The following SH3BP2 variants were observed in gnomAD, a reference collection of about 807,000 sequenced individuals.
SH3BP2 encodes the protein SH3 domain binding protein 2.
Under a neutral mutation model 56.2 loss-of-function variants are expected in SH3BP2, and 38 were observed. The observed-to-expected ratio is 0.68, with a 90% CI of 0.52 to 0.89. SH3BP2 has a LOEUF of 0.89. Among genes scored for constraint, SH3BP2 ranks in the 40% least tolerant of loss-of-function variants. The pLI, the probability that SH3BP2 is intolerant of heterozygous loss-of-function variation, is 0.00. For missense variants in SH3BP2, 748 were observed against 762.6 expected (o/e 0.98, Z 0.23); for synonymous variants, 346 against 316.7 (o/e 1.09, Z -0.98).
intron 1 of SH3BP2, among the ~76,000 whole-genome samples, chr4:2,808,184 G>A (rs1723607573): frequency 6.6e-6 from 1 of 152,198 alleles, no homozygotes; most frequent in Non-Finnish European, 1.5e-5. Context: ...GTGGCTCTGG[G>A]GAAGCCCCTT....
chr4:2,800,081 G>A (rs907952986), intron 1 of SH3BP2, among the ~76,000 whole-genome samples: 2 of 152,102 alleles, frequency 1.3e-5, no homozygotes, highest in African/African-American at 4.8e-5. Flanking sequence ...AAGTGGGTTC[G>A]TCGAGGCTGC....
chr4:2,833,594 C>G, intron 12 of SH3BP2, 103 bp from the exon 13 acceptor site: 1 of 1,468,418 alleles, frequency 6.8e-7, no homozygotes, highest in East Asian at 2.5e-5. Flanking sequence ...CCTGGTGATG[C>G]CGCTGTTGAT....
At position 2,829,664 on chromosome 4, in the gene SH3BP2, A is replaced by T; in HGVS notation, c.758A>T (p.Asp253Val). 6.2e-7 allele frequency: 1 copy of T among 1,612,086 alleles called. No individual in the cohort carries two copies. Among genetic ancestry groups the T allele is most frequent in the Non-Finnish European group, 8.5e-7 (1 of 1,179,628 alleles). The part of the protein sequence containing the change: ...GLPDVGLAAE[D>V]SKRDPLCPRR... ...CCAGATGTTGGCCTGGCTGCTGAGG[A>T]CTCCAAGAGGGACCCACTGTGCCCG... The change falls in exon 8 of 13, where the codon GAC (aspartate) becomes GTC (valine). Residue 253 changes from aspartate to valine, a missense_variant. Physicochemically the swap from Asp to Val is radical, Grantham distance 152. Around this residue, in one of 3 missense-constraint regions of SH3BP2, gnomAD observed 635 missense variants for 615.0 expected, o/e 1.03. Coordinates refer to ENST00000503393, the MANE Select transcript of SH3BP2 (RefSeq NM_001122681.2). The surrounding 1 kb of genome is among the most constrained non-coding windows in gnomAD (Gnocchi z 4.9).
rs141689318 is a variant in SH3BP2 at position 2,837,037 on chromosome 4, T to C, written c.*3203T>C. The C allele has an allele frequency of 3.3e-5, 5 of 152,090 alleles. No individual in the cohort carries two copies. The highest frequency in any genetic ancestry group is 9.7e-5 in the African/African-American group (4 of 41,340). 9.4% of individuals were successfully genotyped at this position (152,090 alleles called of 1,614,324 possible). On this transcript the variant is annotated 3_prime_UTR_variant, in exon 13 of 13. Coordinates refer to ENST00000503393, the MANE Select transcript of SH3BP2 (RefSeq NM_001122681.2). Reference sequence around the variant, plus strand: ...GCCTTCAGTTAATAAAGATTTGTATTGTGAAAAGATTTTTTCTTTTTTTTT... The same window carrying C: ...GCCTTCAGTTAATAAAGATTTGTATCGTGAAAAGATTTTTTCTTTTTTTTT...
chr4:2,807,944 G>T (rs965448350), intron 1 of SH3BP2, among the ~76,000 whole-genome samples: 5 of 152,162 alleles, frequency 3.3e-5, no homozygotes, highest in African/African-American at 1.2e-4. Context: ...TCACAGCCTT[G>T]TGGAGCCTGT....
Position 2,824,609 on chromosome 4 carries a change from C to G in SH3BP2, c.240-4C>G, listed in dbSNP as rs1346559829. The G allele has an allele frequency of 6.2e-6, 10 of 1,610,688 alleles. No individual in the cohort carries two copies. The highest frequency in any genetic ancestry group is 8.5e-6 in the Non-Finnish European group (10 of 1,177,752). ...GGCCGTGACCCCTGGCGCTGTGCCCCCAGGGTGATGCGGGCGGCTGAGGAG... is the reference window on the plus strand; with the variant it reads ...GGCCGTGACCCCTGGCGCTGTGCCCGCAGGGTGATGCGGGCGGCTGAGGAG... On this transcript the variant is annotated splice_polypyrimidine_tract_variant and splice_region_variant and intron_variant, in intron 3 of 12. Coordinates refer to ENST00000503393, the MANE Select transcript of SH3BP2 (RefSeq NM_001122681.2).
rs996821256 is a variant in SH3BP2 at position 2,818,694 on chromosome 4, G to A, written c.-4-1920G>A. The A allele has an allele frequency of 3.0e-6, 3 of 1,001,204 alleles. No individual in the cohort carries two copies. In the South Asian group the frequency reaches 1.4e-4, roughly 47 times the overall value. 62.0% of individuals were successfully genotyped at this position (1,001,204 alleles called of 1,614,324 possible). A position where few individuals can be genotyped will look rare whatever the true frequency, so the allele number is the denominator to read the frequency against. On this transcript the variant is annotated intron_variant, in intron 1 of 12. Transcript: ENST00000503393. The stretch of plus-strand genomic sequence containing the variant: ...GGCGCGGTTGGGCGGGCGGCGGGGT[G>A]TGGCGGCGCCTTTGTTCCAAACCTT...
At chr4:2,832,477 G>A (rs1725044007) in intron 11 of SH3BP2, 65 bp downstream of exon 11, 13 of 1,244,434 alleles carry the variant, frequency 1.0e-5, no homozygotes, top group South Asian at 3.6e-5. Context: ...CTGTGGGTGG[G>A]CCCAGGACTC....
At chr4:2,811,030 G>A (rs1723726894) in intron 1 of SH3BP2, among the ~76,000 whole-genome samples, 1 of 152,258 alleles carries the variant, frequency 6.6e-6, no homozygotes, top group African/African-American at 2.4e-5. Flanking sequence ...CAGGGTGTCT[G>A]TGCCCATGCT....
chr4:2,817,232 C>T (rs1049139620), intron 1 of SH3BP2, among the ~76,000 whole-genome samples: 2 of 152,062 alleles, frequency 1.3e-5, no homozygotes, highest in South Asian at 2.1e-4. Context: ...GAATGGTGTG[C>T]GTGTTGATTC....
intron 1 of SH3BP2, among the ~76,000 whole-genome samples, chr4:2,814,111 C>T (rs940277446): frequency 1.2e-4 from 18 of 152,238 alleles, no homozygotes; most frequent in Non-Finnish European, 2.2e-4. Context: ...CCCCACCCTG[C>T]TCCTATGCAG....
chr4:2,812,599 C>A, intron 1 of SH3BP2: 1 of 1,279,094 alleles, frequency 7.8e-7, no homozygotes, highest in Non-Finnish European at 1.1e-6. Context: ...TGGGAGCCCA[C>A]AGGAGGTGGC....
chr4:2,815,469 G>A (rs1371958356), intron 1 of SH3BP2, among the ~76,000 whole-genome samples: 1 of 152,232 alleles, frequency 6.6e-6, no homozygotes, highest in Non-Finnish European at 1.5e-5. Flanking sequence ...CAGCAGCCAG[G>A]CAGGAACGAG....
In SH3BP2 at chr4:2,827,250, A is replaced by G. The variant is rs750879417; in HGVS notation, c.449A>G (p.Asp150Gly). ...TGCAGCGACTCCAGCTCGGACACAG[A>G]CAGCTTCTACGGCGCAGTTGAGCGG... ...LDTSDSSSDT[D>G]SFYGAVERPV... The change falls in exon 6 of 13, where the codon GAC becomes GGC. Residue 150 changes from aspartate to glycine, a missense_variant. Transcript: ENST00000503393. The G allele has an allele frequency of 1.2e-6, 2 of 1,614,044 alleles. No homozygotes were observed. Among genetic ancestry groups the G allele is most frequent in the African/African-American group, 2.7e-5 (2 of 74,914 alleles).
chr4:2,818,472 G>C (rs1724114077), intron 1 of SH3BP2: 1 of 800,354 alleles, frequency 1.2e-6, no homozygotes, highest in Admixed American at 5.3e-5. Context: ...CGAGCCCCTG[G>C]ACCAGGGCCG....
intron 1 of SH3BP2, chr4:2,818,159 C>T (rs892270019): frequency 1.0e-6 from 1 of 959,488 alleles, no homozygotes; most frequent in South Asian, 4.8e-5. Flanking sequence ...GGGATCCTCA[C>T]CTGCCCGCCC....
chr4:2,820,556 GC>G (rs1724244692), intron 1 of SH3BP2, 57 bp from the exon 2 acceptor site: 1 of 1,611,340 alleles, frequency 6.2e-7, no homozygotes, highest in Non-Finnish European at 8.5e-7. Context: ...GAGCGCCCTG[GC>G]TCAGCCATCT....
intron 8 of SH3BP2, among the ~76,000 whole-genome samples, chr4:2,830,989 A>G (rs1724954096): frequency 6.6e-6 from 1 of 152,222 alleles, no homozygotes; most frequent in Non-Finnish European, 1.5e-5. Context: ...GGCTGCAGAG[A>G]TGCAGATGTT....
At chr4:2,802,959 C>T (rs1723372618) in intron 1 of SH3BP2, among the ~76,000 whole-genome samples, 1 of 152,206 alleles carries the variant, frequency 6.6e-6, no homozygotes. Context: ...CGCCTGGGCC[C>T]CAGCGTCCTT....
Sources: allele counts gnomAD v4.1 joint callset (sites outside exome capture counted in the v4.1 genomes callset), GRCh38; gene constraint gnomAD v4.1.1; regional missense constraint gnomAD v4.1.1; non-coding constraint Gnocchi (gnomAD v3.1); transcripts MANE v1.5; gene names NCBI Gene and HGNC (gene_info 2026-07-23, HGNC 2026-07-21).